ATXN1: variants seen among roughly 807,000 people sequenced by gnomAD.
The protein encoded by ATXN1 is ataxin-1.
ATXN1 carries 8 observed loss-of-function variants against 56.4 expected under a neutral mutation model. That is an observed-to-expected ratio of 0.14 (90% CI 0.08 to 0.26). ATXN1 has a LOEUF of 0.26. Ranked by LOEUF, ATXN1 falls within the 10% of genes least tolerant of loss-of-function variation. The probability of loss-of-function intolerance (pLI) is 1.00; values close to 1 mark genes in which losing one functional copy is unlikely to be tolerated. For missense variants in ATXN1, 987 were observed against 1,106.5 expected (o/e 0.89, Z 1.53); for synonymous variants, 514 against 494.6 (o/e 1.04, Z -0.52).
At chr6:16,428,656 C>T (rs1379339112) in intron 6 of ATXN1, among the ~76,000 whole-genome samples, 2 of 152,014 alleles carry the variant, frequency 1.3e-5, no homozygotes, top group Admixed American at 1.3e-4. Context: ...CAGCACTTAC[C>T]CCAATTACAG....
intron 5 of ATXN1, among the ~76,000 whole-genome samples, chr6:16,491,861 T>G (rs1760672086): frequency 6.6e-6 from 1 of 151,960 alleles, no homozygotes; most frequent in Non-Finnish European, 1.5e-5. Flanking sequence ...AGATTCAAAG[T>G]GAGAGAGGAC....
chr6:16,713,000 A>G (rs1759559428), intron 2 of ATXN1, among the ~76,000 whole-genome samples: 1 of 152,152 alleles, frequency 6.6e-6, no homozygotes, highest in African/African-American at 2.4e-5. Context: ...TTTCCAGCTG[A>G]ATTACTAAGA....
At chr6:16,481,707 C>A (rs1760443423) in intron 6 of ATXN1, among the ~76,000 whole-genome samples, 1 of 152,098 alleles carries the variant, frequency 6.6e-6, no homozygotes. Context: ...TTCATTTGTA[C>A]CAGCACACCA....
intron 2 of ATXN1, among the ~76,000 whole-genome samples, chr6:16,694,239 CTTT>C (rs57275122): frequency 1.8e-4 from 24 of 132,206 alleles, no homozygotes; most frequent in South Asian, 2.5e-4. Context: ...TTTGTCACTT[CTTT>C]TTTTTTTTTC....
At chr6:16,564,664 T>C (rs1274515530) in intron 4 of ATXN1, among the ~76,000 whole-genome samples, 2 of 152,266 alleles carry the variant, frequency 1.3e-5, no homozygotes, top group Middle Eastern at 3.4e-3. Flanking sequence ...AGCAAATCTA[T>C]ATATAGAGAA....
chr6:16,455,719 G>A (rs114231879), intron 6 of ATXN1, among the ~76,000 whole-genome samples: 2,402 of 152,232 alleles, frequency 0.016, 72 homozygotes, highest in African/African-American at 0.055. Flanking sequence ...TAAGCTTTCA[G>A]GCCATAAAAA....
intron 6 of ATXN1, among the ~76,000 whole-genome samples, chr6:16,369,754 A>G (rs1762001857): frequency 6.6e-6 from 1 of 152,148 alleles, no homozygotes; most frequent in Non-Finnish European, 1.5e-5. Context: ...TTCCACCAGG[A>G]CTGAACCCTG....
At chr6:16,575,876 T>C (rs1762411539) in intron 4 of ATXN1, among the ~76,000 whole-genome samples, 2 of 152,218 alleles carry the variant, frequency 1.3e-5, no homozygotes, top group Admixed American at 6.5e-5. Context: ...CCTGCTTCCC[T>C]TCTATTGTAC....
intron 6 of ATXN1, among the ~76,000 whole-genome samples, chr6:16,345,181 TGTG>T (rs1415106415): frequency 6.6e-6 from 1 of 152,162 alleles, no homozygotes; most frequent in African/African-American, 2.4e-5. Flanking sequence ...AAAATAATGT[TGTG>T]GTATCTGCAA....
chr6:16,701,378 C>T (rs1759279900), intron 2 of ATXN1, among the ~76,000 whole-genome samples: 1 of 152,154 alleles, frequency 6.6e-6, no homozygotes, highest in African/African-American at 2.4e-5. Flanking sequence ...ATAAACGGGG[C>T]AGAGAAGGGG....
intron 5 of ATXN1, among the ~76,000 whole-genome samples, chr6:16,507,398 G>A (rs868597346): frequency 3.3e-5 from 5 of 152,280 alleles, no homozygotes; most frequent in Middle Eastern, 3.4e-3. Flanking sequence ...CATGCCTCTA[G>A]GAAAGACTGA....
chr6:16,538,077 T>C (rs1365382452), intron 4 of ATXN1, among the ~76,000 whole-genome samples: 1 of 152,186 alleles, frequency 6.6e-6, no homozygotes, highest in Admixed American at 6.5e-5. Flanking sequence ...ATGAAACCCC[T>C]TGTAATAATT....
intron 6 of ATXN1, among the ~76,000 whole-genome samples, chr6:16,440,032 G>A (rs922255571): frequency 1.4e-5 from 2 of 147,966 alleles, no homozygotes; most frequent in East Asian, 4.1e-4. Flanking sequence ...CTGAGACGGT[G>A]CCATTGCACT....
At chr6:16,361,639 A>G (rs1416687084) in intron 6 of ATXN1, among the ~76,000 whole-genome samples, 1 of 152,202 alleles carries the variant, frequency 6.6e-6, no homozygotes, top group African/African-American at 2.4e-5. Flanking sequence ...TAACTTGCAG[A>G]TCTTTTTTTA....
chr6:16,586,513 T>A lies in ATXN1; in HGVS notation c.-488-606A>T, dbSNP rs2113766012. ...GTTCTGGGCCATGTGCTAAGGGCTTTACACACATTGCCCCACTCCACTGCA... is the reference window on the plus strand; with the variant it reads ...GTTCTGGGCCATGTGCTAAGGGCTTAACACACATTGCCCCACTCCACTGCA... On this transcript the variant is annotated intron_variant, in intron 3 of 7. Coordinates refer to ENST00000436367, the MANE Select transcript of ATXN1 (RefSeq NM_001128164.2). Among the ~76,000 whole-genome samples the A allele has an allele frequency of 4.6e-5, 7 of 152,356 alleles. No homozygotes were observed. The South Asian group carries it at 1.5e-3, about 32-fold the overall frequency.
At chr6:16,727,109 A>T (rs1759867781) in intron 2 of ATXN1, among the ~76,000 whole-genome samples, 1 of 152,218 alleles carries the variant, frequency 6.6e-6, no homozygotes, top group African/African-American at 2.4e-5. Context: ...AAAGGTGGTT[A>T]CAAACATAAA....
At chr6:16,446,311 A>ATAAATGTCTTCTTTTGAGAAG (rs1373633454) in intron 6 of ATXN1, among the ~76,000 whole-genome samples, 1 of 152,214 alleles carries the variant, frequency 6.6e-6, no homozygotes, top group Non-Finnish European at 1.5e-5. Context: ...TTTTGGCTGC[A>ATAAATGTCTTCTTTTGAGAAG]TAAATGTCTT....
chr6:16,678,624 A>G (rs1758735004), intron 2 of ATXN1, among the ~76,000 whole-genome samples: 1 of 152,252 alleles, frequency 6.6e-6, no homozygotes, highest in Non-Finnish European at 1.5e-5. Flanking sequence ...AGAGATTGGA[A>G]TATTCAGCAT....
At chr6:16,624,582 C>CA (rs1467010256) in intron 3 of ATXN1, among the ~76,000 whole-genome samples, 1 of 152,154 alleles carries the variant, frequency 6.6e-6, no homozygotes, top group Admixed American at 6.5e-5. Flanking sequence ...GTTATTCCTT[C>CA]ATAATCATAT....
Sources: allele counts gnomAD v4.1 joint callset (sites outside exome capture counted in the v4.1 genomes callset), GRCh38; gene constraint gnomAD v4.1.1; transcripts MANE v1.5; gene names NCBI Gene and HGNC (gene_info 2026-07-23, HGNC 2026-07-21).